Variants in ERC2 observed in about 807,000 individuals in gnomAD.
ERC2 encodes ELKS/RAB6-interacting/CAST family member 2.
Under a neutral mutation model 114.8 loss-of-function variants are expected in ERC2, and 42 were observed. That is an observed-to-expected ratio of 0.37 (90% confidence interval 0.29 to 0.47). The LOEUF (loss-of-function observed/expected upper bound fraction) is 0.47. ERC2 is among the 20% of genes least tolerant of loss of function. The probability of loss-of-function intolerance (pLI) is 0.99; values close to 1 mark genes in which losing one functional copy is unlikely to be tolerated. For missense variants in ERC2, 939 were observed against 1,150.7 expected, an observed-to-expected ratio of 0.82 and a Z score of 2.66; for synonymous variants, 454 against 425.5, an observed-to-expected ratio of 1.07 and a Z score of -0.82.
intron 7 of ERC2, among the ~76,000 whole-genome samples, chr3:56,024,987 A>G (rs2073953819): frequency 6.6e-6 from 1 of 152,224 alleles, no homozygotes; most frequent in Non-Finnish European, 1.5e-5. Flanking sequence ...TGTATGGACA[A>G]GTTCAGGTGT....
intron 13 of ERC2, among the ~76,000 whole-genome samples, chr3:55,917,861 G>A (rs1043671217): frequency 6.6e-6 from 1 of 152,094 alleles, no homozygotes; most frequent in African/African-American, 2.4e-5. Context: ...TTTGAGAATG[G>A]AGCTAGATGA....
intron 14 of ERC2, among the ~76,000 whole-genome samples, chr3:55,784,258 A>G (rs1448249636): frequency 2.0e-5 from 3 of 152,154 alleles, no homozygotes; most frequent in African/African-American, 7.2e-5. Context: ...CCTCCACACA[A>G]TGATGGAATG....
intron 17 of ERC2, among the ~76,000 whole-genome samples, chr3:55,564,037 A>G (rs2056205899): frequency 6.6e-6 from 1 of 152,210 alleles, no homozygotes; most frequent in Non-Finnish European, 1.5e-5. Flanking sequence ...GGAATTCACA[A>G]TCTAATTTGT....
intron 17 of ERC2, among the ~76,000 whole-genome samples, chr3:55,672,383 G>A (rs2061597971): frequency 6.6e-6 from 1 of 151,616 alleles, no homozygotes; most frequent in Non-Finnish European, 1.5e-5. Context: ...CACCATCAGT[G>A]CACTGAGGAA....
At chr3:56,065,831 G>T (rs1365404669) in intron 7 of ERC2, among the ~76,000 whole-genome samples, 1 of 152,078 alleles carries the variant, frequency 6.6e-6, no homozygotes, top group Non-Finnish European at 1.5e-5. Context: ...AGTTTGCTGA[G>T]GATGATGGCT....
chr3:56,457,349 C>T (rs553260127), intron 1 of ERC2, among the ~76,000 whole-genome samples: 16 of 152,224 alleles, frequency 1.1e-4, no homozygotes, highest in African/African-American at 3.9e-4. Context: ...ATTATTAAGG[C>T]TGTATAAATT....
intron 11 of ERC2, among the ~76,000 whole-genome samples, chr3:55,986,720 T>C (rs936757772): frequency 6.6e-6 from 1 of 151,962 alleles, no homozygotes; most frequent in Non-Finnish European, 1.5e-5. Flanking sequence ...CAAGTTATAA[T>C]ACTTTTTAAT....
At chr3:56,404,947 C>T (rs956550210) in intron 2 of ERC2, among the ~76,000 whole-genome samples, 7 of 152,106 alleles carry the variant, frequency 4.6e-5, no homozygotes, top group African/African-American at 1.7e-4. Context: ...AGCATTTGTA[C>T]TGGTTTGATG....
chr3:56,012,315 G>A (rs1160910981), intron 8 of ERC2, among the ~76,000 whole-genome samples: 2 of 152,104 alleles, frequency 1.3e-5, no homozygotes, highest in Non-Finnish European at 2.9e-5. Context: ...GCTCCAAAAG[G>A]ACCTGTCGTC....
At chr3:55,617,951 G>A (rs2059186722) in intron 17 of ERC2, among the ~76,000 whole-genome samples, 1 of 151,812 alleles carries the variant, frequency 6.6e-6, no homozygotes, top group Non-Finnish European at 1.5e-5. Context: ...GTTTTCACAA[G>A]GAAACTGGGA....
intron 17 of ERC2, among the ~76,000 whole-genome samples, chr3:55,583,782 T>C (rs991351984): frequency 6.6e-6 from 1 of 151,684 alleles, no homozygotes; most frequent in Non-Finnish European, 1.5e-5. Context: ...TCTTCCCAAG[T>C]ATCCGAGAGC....
At chr3:55,944,049 A>T (rs1324247065) in intron 13 of ERC2, among the ~76,000 whole-genome samples, 1 of 152,250 alleles carries the variant, frequency 6.6e-6, no homozygotes, top group Non-Finnish European at 1.5e-5. Context: ...CGTCTAAAAA[A>T]TAGTGTGAGT....
chr3:55,545,929 GT>G (rs1209436225), intron 17 of ERC2, among the ~76,000 whole-genome samples: 1 of 152,168 alleles, frequency 6.6e-6, no homozygotes, highest in Non-Finnish European at 1.5e-5. Flanking sequence ...CCGTTACCCT[GT>G]TTTTGGTGCC....
At chr3:55,852,999 C>T (rs542252946) in intron 14 of ERC2, among the ~76,000 whole-genome samples, 6 of 152,274 alleles carry the variant, frequency 3.9e-5, no homozygotes, top group African/African-American at 1.4e-4. Context: ...CAGTAGCATA[C>T]CTTCTGGTTC....
intron 2 of ERC2, among the ~76,000 whole-genome samples, chr3:56,306,207 T>C (rs958924858): frequency 2.0e-5 from 3 of 152,216 alleles, no homozygotes; most frequent in African/African-American, 4.8e-5. Context: ...GCAGACACCA[T>C]ATGACCCATG....
chr3:55,591,540 T>C (rs1011396821), intron 17 of ERC2, among the ~76,000 whole-genome samples: 15 of 151,644 alleles, frequency 9.9e-5, no homozygotes, highest in African/African-American at 3.6e-4. Flanking sequence ...CAGGAGCTAT[T>C]TACGAGGAGA....
chr3:55,936,261 C>T (rs1395915613), intron 13 of ERC2, among the ~76,000 whole-genome samples: 3 of 152,148 alleles, frequency 2.0e-5, no homozygotes, highest in Non-Finnish European at 2.9e-5. Context: ...GCTATGGAAG[C>T]TTATTTGCAA....
intron 3 of ERC2, among the ~76,000 whole-genome samples, chr3:56,179,990 C>T (rs1474242181): frequency 1.3e-5 from 2 of 151,820 alleles, no homozygotes; most frequent in Admixed American, 6.6e-5. Context: ...AGGGGTACTC[C>T]AAGAGTGAGG....
intron 17 of ERC2, among the ~76,000 whole-genome samples, chr3:55,637,004 A>G (rs2059984867): frequency 6.6e-6 from 1 of 152,154 alleles, no homozygotes; most frequent in East Asian, 1.9e-4. Flanking sequence ...GACCATTGCC[A>G]GGACCTGTTG....
Sources: gnomAD v4.1 joint callset for allele counts (sites outside exome capture counted in the v4.1 genomes callset) on GRCh38, gnomAD v4.1.1 for gene constraint, MANE v1.5 for transcripts, NCBI Gene and HGNC (gene_info 2026-07-23, HGNC 2026-07-21) for gene names.